Variants in GTF2IRD1 observed in about 807,000 individuals in gnomAD.
GTF2IRD1 encodes general transcription factor II-I repeat domain-containing protein 1.
A neutral mutation model predicts 113.2 loss-of-function variants in GTF2IRD1; 26 were observed. That is an observed-to-expected ratio of 0.23 (90% confidence interval 0.17 to 0.32). GTF2IRD1 has a LOEUF of 0.32. GTF2IRD1 is among the 10% of genes least tolerant of loss of function. GTF2IRD1 has a pLI of 1.00. For missense variants in GTF2IRD1, 864 were observed against 1,280.8 expected, an observed-to-expected ratio of 0.67 and a Z score of 4.97; for synonymous variants, 484 against 529.1, an observed-to-expected ratio of 0.91 and a Z score of 1.17.
chr7:74,560,538 A>G (rs1554358721), intron 22 of GTF2IRD1, among the ~76,000 whole-genome samples: 1 of 147,320 alleles, frequency 6.8e-6, no homozygotes, highest in Admixed American at 6.9e-5. Flanking sequence ...TTAAAATATT[A>G]TATATAATTA....
intron 17 of GTF2IRD1, among the ~76,000 whole-genome samples, chr7:74,549,001 T>TTA (rs1251240662): frequency 6.6e-6 from 1 of 151,350 alleles, no homozygotes; most frequent in Non-Finnish European, 1.5e-5. Context: ...TAGGCTTGGT[T>TTA]TACAGCTGGG....
chr7:74,600,840 A>G, intron 25 of GTF2IRD1: 1 of 606,268 alleles, frequency 1.6e-6, no homozygotes, highest in South Asian at 2.0e-5. Flanking sequence ...GGCCGGGGAG[A>G]GTGGGCCCTC....
At chr7:74,524,449 G>A (rs914727548) in intron 8 of GTF2IRD1, among the ~76,000 whole-genome samples, 1 of 152,218 alleles carries the variant, frequency 6.6e-6, no homozygotes, top group Non-Finnish European at 1.5e-5. Flanking sequence ...TGGGGGCCGG[G>A]CGCAGTGGCT....
intron 1 of GTF2IRD1, among the ~76,000 whole-genome samples, chr7:74,465,791 A>G (rs1290653033): frequency 7.2e-5 from 11 of 152,020 alleles, no homozygotes; most frequent in African/African-American, 2.7e-4. Flanking sequence ...TTTTTTTGAG[A>G]CAGAGTCTTC....
chr7:74,540,220 C>T, intron 14 of GTF2IRD1, among the ~76,000 whole-genome samples: 1 of 152,192 alleles, frequency 6.6e-6, no homozygotes, highest in Non-Finnish European at 1.5e-5. Context: ...GATCTCGGCT[C>T]ACCGCAACCT....
At chr7:74,489,700 A>G (rs1795224194) in intron 1 of GTF2IRD1, among the ~76,000 whole-genome samples, 1 of 152,124 alleles carries the variant, frequency 6.6e-6, no homozygotes, top group Admixed American at 6.6e-5. Context: ...CTCATGTCTC[A>G]GTGGCCAGAA....
At chr7:74,491,574 C>T (rs181495816) in intron 1 of GTF2IRD1, among the ~76,000 whole-genome samples, 1 of 152,090 alleles carries the variant, frequency 6.6e-6, no homozygotes, top group Admixed American at 6.6e-5. Context: ...TGAGAACATG[C>T]AGTATTTGGT....
chr7:74,539,842 C>T, intron 13 of GTF2IRD1, 37 bp from the exon 14 acceptor site: 2 of 1,443,110 alleles, frequency 1.4e-6, no homozygotes, highest in South Asian at 1.1e-5. Flanking sequence ...GTATGACAGG[C>T]AGAAGATACC....
intron 2 of GTF2IRD1, 143 bp downstream of exon 2, chr7:74,508,346 C>A: frequency 1.2e-6 from 1 of 827,970 alleles, no homozygotes; most frequent in Non-Finnish European, 1.9e-6. Flanking sequence ...GGCCACGATG[C>A]CTGCATCAAG....
chr7:74,581,312 G>T (rs587770066), intron 22 of GTF2IRD1, among the ~76,000 whole-genome samples: 24 of 152,318 alleles, frequency 1.6e-4, no homozygotes, highest in South Asian at 4.1e-4. Context: ...ATGAGCCACC[G>T]CATGCCCGGC....
chr7:74,468,953 T>C (rs1369738714), intron 1 of GTF2IRD1, among the ~76,000 whole-genome samples: 9 of 150,506 alleles, frequency 6.0e-5, no homozygotes, highest in Non-Finnish European at 1.0e-4. Context: ...GGCGTGATGG[T>C]GGGCGCCTGT....
intron 1 of GTF2IRD1, among the ~76,000 whole-genome samples, chr7:74,486,207 G>A (rs1342910984): frequency 1.3e-5 from 2 of 152,130 alleles, no homozygotes; most frequent in Non-Finnish European, 2.9e-5. Context: ...TTGACCTCAA[G>A]TGATCCGCCC....
In GTF2IRD1 at chr7:74,462,495, G is replaced by C. The variant is rs573797106; in HGVS notation, c.-7+8319G>C. On this transcript the variant is annotated intron_variant, in intron 1 of 26. Transcript: ENST00000424337. ...CATAATGCATTTACGGCATTGCTGG[G>C]TACACGGGTAGCTGGTCCCTTCTGG... is the stretch of plus-strand genomic sequence containing the variant. Among the ~76,000 whole-genome samples the C allele has an allele frequency of 2.0e-5, 3 of 152,264 alleles. No individual in the cohort carries two copies. In the East Asian group the frequency reaches 5.8e-4, roughly 29 times the overall value.
At chr7:74,479,760 T>C (rs1401380703) in intron 1 of GTF2IRD1, among the ~76,000 whole-genome samples, 2 of 148,728 alleles carry the variant, frequency 1.3e-5, no homozygotes, top group Non-Finnish European at 3.0e-5. Context: ...ATCTTTTTTT[T>C]TTTTTTTTTT....
rs782359503 is a variant in GTF2IRD1, at chr7:74,558,828, C to T, written c.2108-33C>T. 4.4e-6 allele frequency: 7 copies of T among 1,584,826 alleles called. No individual in the cohort carries two copies. The South Asian group carries it at 6.8e-5, about 15-fold the overall frequency. Reference sequence around the variant, plus strand: ...CACACACCCCACGCTGCCTCTCACTCCTGACGGGCAGGACCCTGCCTCTCG... The same window carrying T: ...CACACACCCCACGCTGCCTCTCACTTCTGACGGGCAGGACCCTGCCTCTCG... On this transcript the variant is annotated intron_variant, in intron 20 of 26. Transcript: ENST00000424337.
chr7:74,464,531 C>A (rs1375622747), intron 1 of GTF2IRD1, among the ~76,000 whole-genome samples: 1 of 152,082 alleles, frequency 6.6e-6, no homozygotes, highest in Non-Finnish European at 1.5e-5. Flanking sequence ...ATGGCAGCCC[C>A]CCTCCTCCTG....
intron 17 of GTF2IRD1, among the ~76,000 whole-genome samples, chr7:74,553,117 C>T (rs1799407348): frequency 6.6e-6 from 1 of 151,706 alleles, no homozygotes; most frequent in Admixed American, 6.6e-5. Context: ...GGATTAGAGG[C>T]GTGAGCCACC....
intron 9 of GTF2IRD1, 110 bp downstream of exon 9, chr7:74,530,027 T>C: frequency 1.4e-6 from 1 of 722,312 alleles, no homozygotes; most frequent in Non-Finnish European, 2.3e-6. Context: ...CTGGTCAACA[T>C]GGCAAAACCC....
At chr7:74,540,559 G>A (rs1301421054) in intron 14 of GTF2IRD1, among the ~76,000 whole-genome samples, 4 of 152,052 alleles carry the variant, frequency 2.6e-5, no homozygotes, top group Admixed American at 6.6e-5. Flanking sequence ...ACCAGGTCCT[G>A]TGTAAGGGGC....
Sources: allele counts gnomAD v4.1 joint callset (sites outside exome capture counted in the v4.1 genomes callset), GRCh38; gene constraint gnomAD v4.1.1; transcripts MANE v1.5; gene names NCBI Gene and HGNC (gene_info 2026-07-23, HGNC 2026-07-21).